The following RAP1GAP2 variants were observed in gnomAD, a reference collection of about 807,000 sequenced individuals.
RAP1GAP2 encodes RAP1 GTPase activating protein 2.
In RAP1GAP2, 27 loss-of-function variants were observed where a neutral mutation model predicts 95.0. The observed-to-expected ratio is 0.28, with a 90% CI of 0.21 to 0.39. The LOEUF (loss-of-function observed/expected upper bound fraction) is 0.39. Among genes scored for constraint, RAP1GAP2 ranks in the 10% least tolerant of loss-of-function variants. The probability of loss-of-function intolerance (pLI) is 1.00; values close to 1 mark genes in which losing one functional copy is unlikely to be tolerated. For synonymous variants in RAP1GAP2, 373 were observed against 380.9 expected (o/e 0.98, Z 0.24); for missense variants, 771 against 970.0 (o/e 0.79, Z 2.72).
At chr17:2,980,506 C>A (rs940889497) in intron 9 of RAP1GAP2, 141 bp downstream of exon 9, 3 of 794,660 alleles carry the variant, frequency 3.8e-6, no homozygotes, top group African/African-American at 3.4e-5. Context: ...ATTGACTGCA[C>A]TGATAGGGGT....
At chr17:2,927,273 C>G (rs1188862671) in intron 3 of RAP1GAP2, among the ~76,000 whole-genome samples, 1 of 151,938 alleles carries the variant, frequency 6.6e-6, no homozygotes, top group South Asian at 2.1e-4. Context: ...CCTGCCTCAG[C>G]CTCCCGAGTA....
chr17:2,794,347 G>C (rs865852506), upstream of RAP1GAP2, among the ~76,000 whole-genome samples: 3 of 152,150 alleles, frequency 2.0e-5, no homozygotes, highest in African/African-American at 7.2e-5. Context: ...GAGTGCAGAG[G>C]GTTCTTCTCA....
At chr17:2,898,512 A>T (rs985846709) in intron 2 of RAP1GAP2, among the ~76,000 whole-genome samples, 3 of 152,034 alleles carry the variant, frequency 2.0e-5, no homozygotes, top group Non-Finnish European at 4.4e-5. Flanking sequence ...CCGCATCTCC[A>T]TGTCTGTCCC....
In RAP1GAP2 at chr17:2,904,568, G is replaced by GTGTGTGTGTGTGTGTGTGTGTA. The variant is rs1193597954; in HGVS notation, c.81-715_81-714insGTGTGTGTGTGTGTGTGTGTAT. On this transcript the variant is annotated intron_variant, in intron 2 of 24. Transcript: ENST00000254695. The surrounding 1 kb of genome is among the most constrained non-coding windows in gnomAD (Gnocchi z 4.7). ...TGTGTGTGTGTGTGTGTGTGTGTGT[G>GTGTGTGTGTGTGTGTGTGTGTA]TACGTGCAGAGGGGCTCAAGGGAGA... Among the ~76,000 whole-genome samples the GTGTGTGTGTGTGTGTGTGTGTA allele has an allele frequency of 6.6e-6, 1 of 151,490 alleles. No individual in the cohort carries two copies. The highest frequency in any genetic ancestry group is 2.4e-5 in the African/African-American group (1 of 41,236).
At chr17:2,803,212 C>G (rs1346492710) in intron 2 of RAP1GAP2, among the ~76,000 whole-genome samples, 1 of 152,116 alleles carries the variant, frequency 6.6e-6, no homozygotes, top group Admixed American at 6.6e-5. Context: ...AGATTGGGAC[C>G]CCAGTGAGGT....
At position 3,005,398 on chromosome 17, in the gene RAP1GAP2, C is replaced by A; in HGVS notation, c.1230C>A (p.Pro410=). 6.2e-7 allele frequency: 1 copy of A among 1,613,932 alleles called. No individual in the cohort carries two copies. Among genetic ancestry groups the A allele is most frequent in the Non-Finnish European group, 8.5e-7 (1 of 1,179,850 alleles). The change falls in exon 15 of 25, where the codon CCC becomes CCA. Residue 410 remains proline (P), a synonymous_variant. Transcript: ENST00000254695. This position sits in a 1 kb window ranked among gnomAD's most constrained non-coding sequence, Gnocchi z 5.2. ...CTGTCACTGCGCGGGAAGATGTGCC[C>A]ACCTTTGGTCCACCTCTGCCCAGTC... ...KVSVTAREDV[P]TFGPPLPSPP...
At position 2,787,847 on chromosome 17, in the gene RAP1GAP2, A is replaced by G. The variant is rs572863171; in HGVS notation, c.-14+10569A>G. Among the ~76,000 whole-genome samples the G allele has an allele frequency of 7.9e-5, 12 of 152,306 alleles. No homozygotes were observed. In the South Asian group the frequency reaches 1.2e-3, roughly 16 times the overall value. On this transcript the variant is annotated intron_variant, in intron 1 of 24. Coordinates refer to the RAP1GAP2 transcript ENST00000540393. ...CTCCCAAAGTACTGGGATTACAGGC[A>G]TGAGCCACCGCGCCCAGCCTGTGCC...
intron 3 of RAP1GAP2, among the ~76,000 whole-genome samples, chr17:2,949,736 G>C (rs553803882): frequency 4.6e-5 from 7 of 152,350 alleles, no homozygotes; most frequent in African/African-American, 1.7e-4. Flanking sequence ...CTCAGGGTGT[G>C]TGGATGAGGG....
rs2072206285 is a variant in RAP1GAP2, at chr17:2,857,780, C to T, written c.81-47504C>T. Among the ~76,000 whole-genome samples, 1 of 152,100 alleles carries T rather than the reference C, an allele frequency of 6.6e-6. No individual in the cohort carries two copies. The highest frequency in any genetic ancestry group is 2.1e-4 in the South Asian group (1 of 4,828). On this transcript the variant is annotated intron_variant, in intron 2 of 24. Transcript: ENST00000254695. The surrounding 1 kb of genome is among the most constrained non-coding windows in gnomAD (Gnocchi z 4.0). ...AAACAGGCAGCTTTGCTGGGAAGGA[C>T]GGAGGCCGAGGAACACGATCAAAAT... is the stretch of plus-strand genomic sequence containing the variant.
intron 2 of RAP1GAP2, among the ~76,000 whole-genome samples, chr17:2,897,334 G>A (rs960972903): frequency 3.3e-5 from 5 of 152,038 alleles, no homozygotes; most frequent in East Asian, 2.0e-4. Flanking sequence ...GTGAAACTCC[G>A]TCTCAAAACC....
rs974954787 is a variant in RAP1GAP2 at position 2,904,393 on chromosome 17, G to T, written c.81-891G>T. Among the ~76,000 whole-genome samples the T allele has an allele frequency of 6.6e-6, 1 of 152,170 alleles. No individual in the cohort carries two copies. Among genetic ancestry groups the T allele is most frequent in the Non-Finnish European group, 1.5e-5 (1 of 68,020 alleles). On this transcript the variant is annotated intron_variant, in intron 2 of 24. Transcript: ENST00000254695. The surrounding 1 kb of genome is among the most constrained non-coding windows in gnomAD (Gnocchi z 4.7). ...AGTGTGTGAGCGCGGCAAACTTGTC[G>T]CAGTCATGTTGCCATGGTGACACAA...
intron 2 of RAP1GAP2, among the ~76,000 whole-genome samples, chr17:2,839,882 T>A (rs1448480686): frequency 2.6e-5 from 4 of 152,056 alleles, no homozygotes; most frequent in Admixed American, 1.3e-4. Context: ...CACTGCAACC[T>A]CCGCCTCCTG....
At chr17:2,822,404 T>C (rs1278565728) in intron 2 of RAP1GAP2, among the ~76,000 whole-genome samples, 1 of 152,170 alleles carries the variant, frequency 6.6e-6, no homozygotes, top group African/African-American at 2.4e-5. Flanking sequence ...AGAGGATCAC[T>C]TGAGCCCAGG....
At chr17:2,932,528 A>G (rs964280235) in intron 3 of RAP1GAP2, among the ~76,000 whole-genome samples, 2 of 137,560 alleles carry the variant, frequency 1.5e-5, no homozygotes, top group African/African-American at 5.6e-5. Context: ...TTTATTTATT[A>G]TTTATTATAT....
At position 3,037,595 on chromosome 17, in the gene RAP1GAP2, T is replaced by A. The variant is rs1419809142; in HGVS notation, c.*4234T>A. The A allele has an allele frequency of 6.6e-6, 1 of 152,600 alleles. No individual in the cohort carries two copies. The highest frequency in any genetic ancestry group is 2.4e-5 in the African/African-American group (1 of 41,446). The allele number at this position is 152,600 out of a possible 1,614,324, so 9.5% of individuals were successfully genotyped here. ...GTAGATCCCAACTGCCTATGTAATGTAAATAATGTACATTTAATTTATTGC... is the reference window on the plus strand; with the variant it reads ...GTAGATCCCAACTGCCTATGTAATGAAAATAATGTACATTTAATTTATTGC... On this transcript the variant is annotated 3_prime_UTR_variant, in exon 25 of 25. Transcript: ENST00000254695.
At chr17:2,937,207 C>T (rs989841076) in intron 3 of RAP1GAP2, among the ~76,000 whole-genome samples, 2 of 151,998 alleles carry the variant, frequency 1.3e-5, no homozygotes, top group Non-Finnish European at 2.9e-5. Flanking sequence ...GGAGAGGGAC[C>T]GAGGGTGATC....
chr17:2,952,716 A>G (rs1365683236), intron 3 of RAP1GAP2, among the ~76,000 whole-genome samples: 1 of 152,156 alleles, frequency 6.6e-6, no homozygotes, highest in African/African-American at 2.4e-5. Flanking sequence ...AATTTCTTTC[A>G]TAACTAGAGA....
At chr17:3,031,600 A>T (rs56088903) in intron 23 of RAP1GAP2, among the ~76,000 whole-genome samples, 13 of 111,608 alleles carry the variant, frequency 1.2e-4, no homozygotes, top group East Asian at 3.4e-4. Flanking sequence ...TCCTGAGCTC[A>T]CCAGACTATC....
chr17:2,907,868 G>A (rs575063344), intron 3 of RAP1GAP2, among the ~76,000 whole-genome samples: 8 of 152,180 alleles, frequency 5.3e-5, no homozygotes, highest in Admixed American at 4.6e-4. Context: ...GTGCAGTGGC[G>A]CGATCTTGGC....
Sources: gnomAD v4.1 joint callset for allele counts (sites outside exome capture counted in the v4.1 genomes callset) on GRCh38, gnomAD v4.1.1 for gene constraint, Gnocchi (gnomAD v3.1) non-coding constraint, MANE v1.5 for transcripts, NCBI Gene and HGNC (gene_info 2026-07-23, HGNC 2026-07-21) for gene names.